Variants in ATP13A4 observed in about 807,000 individuals in gnomAD.
ATP13A4 encodes ATPase 13A4.
Under a neutral mutation model 142.5 loss-of-function variants are expected in ATP13A4, and 114 were observed. The observed-to-expected ratio is 0.80, with a 90% confidence interval of 0.69 to 0.93. The LOEUF is 0.93. ATP13A4 is among the 40% of genes least tolerant of loss of function. ATP13A4 has a pLI of 0.00. For missense variants in ATP13A4, 1,392 were observed against 1,454.0 expected, an observed-to-expected ratio of 0.96 and a Z score of 0.69; for synonymous variants, 488 against 514.8, an observed-to-expected ratio of 0.95 and a Z score of 0.70.
chr3:193,470,761 C>A (rs1718570769), intron 9 of ATP13A4, 98 bp downstream of exon 9: 52 of 1,566,652 alleles, frequency 3.3e-5, no homozygotes, highest in Non-Finnish European at 4.4e-5. Flanking sequence ...TTACAGCCAG[C>A]CACTGTCATT....
intron 1 of ATP13A4, among the ~76,000 whole-genome samples, chr3:193,536,400 A>C (rs1722595163): frequency 2.6e-5 from 4 of 152,078 alleles, no homozygotes; most frequent in Admixed American, 6.5e-5. Context: ...AAAGAAGAAA[A>C]ATCACATGGT....
At chr3:193,475,972 G>T (rs2108652173) in intron 8 of ATP13A4, among the ~76,000 whole-genome samples, 1 of 152,026 alleles carries the variant, frequency 6.6e-6, no homozygotes, top group East Asian at 1.9e-4. Flanking sequence ...TTGAGAACCA[G>T]AACTTTGGGT....
chr3:193,456,412 G>C (rs537001682), intron 16 of ATP13A4, among the ~76,000 whole-genome samples: 10 of 152,312 alleles, frequency 6.6e-5, no homozygotes, highest in African/African-American at 2.4e-4. Context: ...TAGGCATGGA[G>C]GCATGAGAGT....
chr3:193,410,687 C>T (rs1450035376), intron 28 of ATP13A4, among the ~76,000 whole-genome samples: 1 of 152,020 alleles, frequency 6.6e-6, no homozygotes, highest in East Asian at 1.9e-4. Flanking sequence ...CCATGGCACT[C>T]CAGACTGGGC....
intron 2 of ATP13A4, among the ~76,000 whole-genome samples, chr3:193,512,566 G>A (rs1382204220): frequency 3.3e-5 from 5 of 152,276 alleles, no homozygotes; most frequent in African/African-American, 1.2e-4. Flanking sequence ...CCCCTTATAA[G>A]AATCATTAGC....
intron 25 of ATP13A4, among the ~76,000 whole-genome samples, chr3:193,425,441 C>A (rs946133004): frequency 7.3e-5 from 11 of 151,578 alleles, no homozygotes; most frequent in African/African-American, 2.7e-4. Context: ...TTCATAATAG[C>A]CAAAACATGG....
intron 11 of ATP13A4, 81 bp from the exon 12 acceptor site, chr3:193,465,209 C>T (rs1395041199): frequency 1.7e-5 from 24 of 1,434,138 alleles, no homozygotes; most frequent in African/African-American, 1.4e-4. Context: ...TTTTTTGAGG[C>T]GGAGTTTTGC....
At chr3:193,558,191 T>G (rs1380169375), upstream of ATP13A4, among the ~76,000 whole-genome samples, 1 of 152,260 alleles carries the variant, frequency 6.6e-6, no homozygotes, top group Non-Finnish European at 1.5e-5. Flanking sequence ...ACTGTATTTA[T>G]GTAGACAGTT....
chr3:193,428,488 A>G (rs1715795440), intron 25 of ATP13A4, among the ~76,000 whole-genome samples: 1 of 152,178 alleles, frequency 6.6e-6, no homozygotes, highest in Admixed American at 6.5e-5. Context: ...AGACACATGC[A>G]CATGTATGTT....
intron 28 of ATP13A4, among the ~76,000 whole-genome samples, chr3:193,410,283 T>C (rs1385178657): frequency 8.0e-6 from 1 of 124,744 alleles, no homozygotes. Context: ...AATACATAAA[T>C]ATATGATAAC....
chr3:193,450,155 TC>T (rs1717193497), intron 17 of ATP13A4, among the ~76,000 whole-genome samples: 1 of 151,682 alleles, frequency 6.6e-6, no homozygotes, highest in African/African-American at 2.4e-5. Context: ...GAATAATTGC[TC>T]CCTTGTCATA....
At chr3:193,531,287 G>A (rs1436191458) in intron 1 of ATP13A4, among the ~76,000 whole-genome samples, 3 of 92,800 alleles carry the variant, frequency 3.2e-5, no homozygotes, top group Admixed American at 3.2e-4. Context: ...AGGGAGGGAG[G>A]GAGGGAGGGA....
intron 27 of ATP13A4, among the ~76,000 whole-genome samples, chr3:193,411,418 G>T (rs1187926270): frequency 6.6e-6 from 1 of 152,046 alleles, no homozygotes; most frequent in East Asian, 1.9e-4. Context: ...ATCATTTTCT[G>T]GTAAAAAGGA....
At chr3:193,402,912 G>A (rs777055676) in intron 29 of ATP13A4, 48 bp from the exon 30 acceptor site, 24 of 1,544,770 alleles carry the variant, frequency 1.6e-5, no homozygotes, top group Admixed American at 1.8e-5. Flanking sequence ...TGAGTGTTTT[G>A]AGGCTACAGC....
chr3:193,522,942 T>G (rs1173263374), intron 1 of ATP13A4, among the ~76,000 whole-genome samples: 1 of 152,220 alleles, frequency 6.6e-6, no homozygotes, highest in Non-Finnish European at 1.5e-5. Flanking sequence ...GTCTCCAGTT[T>G]CTGGCACACA....
In ATP13A4 at chr3:193,414,639, A is replaced by G. The variant is rs755864510; in HGVS notation, c.2954T>C (p.Met985Thr). ...AACCAGGATGAAGCCTGCAATATGCATGGCCAGGCTGAGAAGAATGTTGAA... is the reference window on the plus strand; with the variant it reads ...AACCAGGATGAAGCCTGCAATATGCGTGGCCAGGCTGAGAAGAATGTTGAA... The part of the protein sequence containing the change: ...VIFNILLSLA[M>T]HIAGFILVQR... The change falls in exon 26 of 30, where the codon ATG becomes ACG. Residue 985 changes from methionine (M) to threonine (T), a missense_variant. By Grantham distance (81) the Met-to-Thr change is moderately conservative. Transcript: ENST00000342695. 23 of 1,614,046 alleles carry G rather than the reference A, an allele frequency of 1.4e-5. No homozygotes were observed. Among genetic ancestry groups the G allele is most frequent in the Non-Finnish European group, 1.7e-5 (20 of 1,180,012 alleles).
intron 1 of ATP13A4, among the ~76,000 whole-genome samples, chr3:193,542,353 C>T (rs945262301): frequency 6.6e-6 from 1 of 152,156 alleles, no homozygotes; most frequent in Non-Finnish European, 1.5e-5. Flanking sequence ...ACATTCCATG[C>T]TCATGAATAG....
chr3:193,408,875 C>T (rs1425196075), intron 28 of ATP13A4, among the ~76,000 whole-genome samples: 1 of 152,192 alleles, frequency 6.6e-6, no homozygotes, highest in African/African-American at 2.4e-5. Context: ...CTTACCCCTA[C>T]CCCGAGAATT....
At chr3:193,589,509 C>T (rs1243209713) in intron 1 of ATP13A4, among the ~76,000 whole-genome samples, 1 of 152,126 alleles carries the variant, frequency 6.6e-6, no homozygotes, top group Non-Finnish European at 1.5e-5. Context: ...TCTCTCATTA[C>T]CTTCCTTTCT....
Sources: allele counts gnomAD v4.1 joint callset (sites outside exome capture counted in the v4.1 genomes callset), GRCh38; gene constraint gnomAD v4.1.1; transcripts MANE v1.5; gene names NCBI Gene and HGNC (gene_info 2026-07-23, HGNC 2026-07-21).